PARP14: variants seen among roughly 807,000 people sequenced by gnomAD.
PARP14 encodes protein mono-ADP-ribosyltransferase PARP14.
A neutral mutation model predicts 154.2 loss-of-function variants in PARP14; 59 were observed. That is an observed-to-expected ratio of 0.38 (90% CI 0.31 to 0.48). PARP14 has a LOEUF of 0.48. Among genes scored for constraint, PARP14 ranks in the 20% least tolerant of loss-of-function variants. PARP14 has a pLI of 0.98. For missense variants in PARP14, 1,734 were observed against 2,131.6 expected (o/e 0.81, Z 3.67); for synonymous variants, 720 against 780.5 (o/e 0.92, Z 1.29).
intron 9 of PARP14, among the ~76,000 whole-genome samples, chr3:122,711,264 T>A (rs1257608051): frequency 1.3e-5 from 2 of 152,200 alleles, no homozygotes; most frequent in African/African-American, 4.8e-5. Flanking sequence ...ATGTCCCCTC[T>A]ATGCCTATTT....
Position 122,692,458 on chromosome 3 carries a change from C to A in PARP14, c.513C>A (p.Asn171Lys). Residue 171 changes from asparagine to lysine, a missense_variant, in exon 4 of 17, where the codon AAC becomes AAA. Physicochemically the swap from Asn to Lys is moderately conservative, Grantham distance 94 (BLOSUM62 0). Transcript: ENST00000474629. ...TAATGCTAATCTTGTTAGTGGAGAACATAAGTGGCCTGTCTAATGATGACT... is the reference window on the plus strand; with the variant it reads ...TAATGCTAATCTTGTTAGTGGAGAAAATAAGTGGCCTGTCTAATGATGACT... ...TDIMLILLVE[N>K]ISGLSNDDFQ... The A allele has an allele frequency of 6.2e-7, 1 of 1,613,312 alleles. No individual in the cohort carries two copies. The highest frequency in any genetic ancestry group is 8.5e-7 in the Non-Finnish European group (1 of 1,179,402).
At position 122,699,777 on chromosome 3, in the gene PARP14, C is replaced by A. The variant is rs201075521; in HGVS notation, c.1223C>A (p.Thr408Lys). ...YKVNPIKVDP[T>K]MWDTIKNDVK... The stretch of plus-strand genomic sequence containing the variant: ...GTCAACCCAATTAAAGTGGATCCAA[C>A]AATGTGGGACACCATAAAAAATGAT... The change falls in exon 6 of 17, where the codon ACA (threonine) becomes AAA (lysine). Residue 408 changes from threonine (T) to lysine (K), a missense_variant. This residue lies in a region of PARP14 where 1,646 missense variants were observed against 1,976.0 expected (regional missense o/e 0.83). Transcript: ENST00000474629. 1,031 of 1,613,800 alleles carry A rather than the reference C, an allele frequency of 6.4e-4. No individual in the cohort carries two copies. The highest frequency in any genetic ancestry group is 8.4e-4 in the Non-Finnish European group (993 of 1,179,860).
chr3:122,700,694 G>A lies in PARP14; in HGVS notation c.2140G>A (p.Gly714Ser), dbSNP rs769288112. 6.2e-6 allele frequency: 10 copies of A among 1,611,274 alleles called. No homozygotes were observed. The highest frequency in any genetic ancestry group is 6.8e-6 in the Non-Finnish European group (8 of 1,178,678). ...VSFNPENKQKGILLTGSKTEV... is the reference protein window; with the variant it reads ...VSFNPENKQKSILLTGSKTEV... Reference sequence around the variant, plus strand: ...TTTCAATCCTGAGAACAAACAAAAAGGCATTTTACTAACTGGCTCAAAGAC... The same window carrying A: ...TTTCAATCCTGAGAACAAACAAAAAAGCATTTTACTAACTGGCTCAAAGAC... Residue 714 changes from glycine (G) to serine (S), a missense_variant, in exon 6 of 17, where the codon GGC (glycine) becomes AGC (serine). Around this residue, in one of 2 missense-constraint regions of PARP14, gnomAD observed 1,646 missense variants for 1,976.0 expected, o/e 0.83. Transcript: ENST00000474629.
chr3:122,699,238 A>G (rs1054818507), intron 5 of PARP14, among the ~76,000 whole-genome samples, 152 bp from the exon 6 acceptor site: 17 of 152,110 alleles, frequency 1.1e-4, no homozygotes, highest in African/African-American at 4.1e-4. Context: ...TCTTTGCCAC[A>G]TATCATCTTG....
At chr3:122,723,772 A>G (rs1222900092) in intron 15 of PARP14, among the ~76,000 whole-genome samples, 3 of 152,216 alleles carry the variant, frequency 2.0e-5, no homozygotes, top group East Asian at 3.8e-4. Flanking sequence ...TCGTCAGCAT[A>G]TGAGTATCCT....
At position 122,701,193 on chromosome 3, in the gene PARP14, C is replaced by A. The variant is rs369668390; in HGVS notation, c.2639C>A (p.Ala880Glu). 1.2e-5 allele frequency: 19 copies of A among 1,613,358 alleles called. No homozygotes were observed. The highest frequency in any genetic ancestry group is 2.7e-5 in the African/African-American group (2 of 74,890). Residue 880 changes from alanine (A) to glutamate (E), a missense_variant, in exon 6 of 17, where the codon GCA becomes GAA. Coordinates refer to ENST00000474629, the MANE Select transcript of PARP14 (RefSeq NM_017554.3). The surrounding 1 kb of genome is among the most constrained non-coding windows in gnomAD (Gnocchi z 4.0). ...CTGCCCTACCACCACGTGATCCATG[C>A]AGTGGGGCCCCGCTGGAGCGGATAT... Reference protein sequence around the residue: ...GKLPYHHVIHAVGPRWSGYEA... With the variant: ...GKLPYHHVIHEVGPRWSGYEA...
Position 122,685,199 on chromosome 3 carries a change from C to G in PARP14, c.202C>G (p.Leu68Val). ...FYPEDVRQKV[L>V]ERKNHELVWQ... Reference sequence around the variant, plus strand: ...GGACATTTCAGTTCGGCAGAAGGTTCTGGAGAGAAAAAATCATGAGTTGGT... The same window carrying G: ...GGACATTTCAGTTCGGCAGAAGGTTGTGGAGAGAAAAAATCATGAGTTGGT... The change falls in exon 2 of 17, where the codon CTG becomes GTG. Residue 68 changes from leucine (L) to valine (V), a missense_variant. Transcript: ENST00000474629. 4.3e-6 allele frequency: 7 copies of G among 1,613,820 alleles called. No homozygotes were observed. In the South Asian group the frequency reaches 6.6e-5, roughly 15 times the overall value.
chr3:122,691,395 C>T (rs1938534470), intron 3 of PARP14, among the ~76,000 whole-genome samples: 1 of 152,220 alleles, frequency 6.6e-6, no homozygotes, highest in African/African-American at 2.4e-5. Flanking sequence ...CTCATTTTTA[C>T]AGTCAACAGT....
At chr3:122,697,120 T>G (rs1240975372) in intron 5 of PARP14, among the ~76,000 whole-genome samples, 1 of 151,976 alleles carries the variant, frequency 6.6e-6, no homozygotes. Context: ...ACCCAGCTAA[T>G]ATATTGTATT....
At chr3:122,688,173 G>C (rs17270426) in intron 3 of PARP14, among the ~76,000 whole-genome samples, 9,096 of 151,986 alleles carry the variant, frequency 0.06, 318 homozygotes, top group Middle Eastern at 0.088. Context: ...TTTGTCGTTG[G>C]GATCTCCTAA....
At chr3:122,702,976 A>G (rs1350811101) in intron 6 of PARP14, among the ~76,000 whole-genome samples, 1 of 141,602 alleles carries the variant, frequency 7.1e-6, no homozygotes, top group East Asian at 2.1e-4. Flanking sequence ...GGGTGGACAG[A>G]GCAAGACCCT....
In PARP14 at chr3:122,704,857, A is replaced by G. The variant is rs913325025; in HGVS notation, c.3540+109A>G. The G allele has an allele frequency of 1.2e-5, 8 of 645,898 alleles. No individual in the cohort carries two copies. In the African/African-American group the frequency reaches 1.5e-4, roughly 12 times the overall value. The allele number at this position is 645,898 out of a possible 1,614,324, so 40.0% of individuals were successfully genotyped here. A position where few individuals can be genotyped will look rare whatever the true frequency, so the allele number is the denominator to read the frequency against. ...TTTTCATTCATTTCCCCATTCAGGAAAGTAAGAAGGTAGTTTATACTTGTA... is the reference window on the plus strand; with the variant it reads ...TTTTCATTCATTTCCCCATTCAGGAGAGTAAGAAGGTAGTTTATACTTGTA... On this transcript the variant is annotated intron_variant, in intron 8 of 16. Transcript: ENST00000474629.
intron 15 of PARP14, chr3:122,721,120 A>C (rs957399715): frequency 6.4e-5 from 21 of 328,544 alleles, no homozygotes; most frequent in African/African-American, 4.5e-4. Context: ...CCCTAATTCT[A>C]GCTTTATTCA....
At chr3:122,702,866 T>C (rs77788140) in intron 6 of PARP14, among the ~76,000 whole-genome samples, 1,710 of 152,148 alleles carry the variant, frequency 0.011, 20 homozygotes, top group Non-Finnish European at 0.02. Flanking sequence ...GGCTCATACC[T>C]GTAGTCCTTA....
At chr3:122,720,102 C>A (rs1933125356) in intron 14 of PARP14, among the ~76,000 whole-genome samples, 153 bp from the exon 15 acceptor site, 1 of 152,200 alleles carries the variant, frequency 6.6e-6, no homozygotes, top group Non-Finnish European at 1.5e-5. Flanking sequence ...TGTAGGTTGT[C>A]TGTTGTTCAT....
In PARP14 at chr3:122,692,316, T is replaced by G; in HGVS notation, c.371T>G (p.Leu124Trp). The change falls in exon 4 of 17, where the codon TTG becomes TGG. Residue 124 changes from leucine (L) to tryptophan (W), a missense_variant. Transcript: ENST00000474629. Reference sequence around the variant, plus strand: ...CTAAAATCAGATGTGTCAGAAGAATTGGATACAAAACTCCCTCTTGATGGT... The same window carrying G: ...CTAAAATCAGATGTGTCAGAAGAATGGGATACAAAACTCCCTCTTGATGGT... The part of the protein sequence containing the change: ...DVKEPDVSEE[L>W]DTKLPLDGGL... The G allele has an allele frequency of 6.2e-7, 1 of 1,611,548 alleles. No homozygotes were observed. Among genetic ancestry groups the G allele is most frequent in the Non-Finnish European group, 8.5e-7 (1 of 1,177,886 alleles).
rs188157828 is a variant in PARP14, at chr3:122,721,205, A to G, written c.4941+817A>G. 6.1e-5 allele frequency: 16 copies of G among 263,504 alleles called. No homozygotes were observed. In the East Asian group the frequency reaches 2.2e-3, roughly 35 times the overall value. 16.3% of individuals were successfully genotyped at this position (263,504 alleles called of 1,614,324 possible). On this transcript the variant is annotated intron_variant, in intron 15 of 16. Transcript: ENST00000474629. ...ATATTTACCCTTCTTGGATTCAACT[A>G]TTAGTTCAATGTCAATAGCTCCCAA...
rs1421101551 is a variant in PARP14 at position 122,728,275 on chromosome 3, T to G, written c.5117-33T>G. On this transcript the variant is annotated intron_variant, in intron 16 of 16. Coordinates refer to ENST00000474629, the MANE Select transcript of PARP14 (RefSeq NM_017554.3). The stretch of plus-strand genomic sequence containing the variant: ...CAACATATCAAATTTTACATTAACT[T>G]GAAATGCTTAAAAATGGTTTTTCTT... 3.8e-6 allele frequency: 6 copies of G among 1,581,242 alleles called. No individual in the cohort carries two copies. The East Asian group carries it at 1.3e-4, about 36-fold the overall frequency.
At chr3:122,727,685 G>T (rs1020800852) in intron 15 of PARP14, 127 bp from the exon 16 acceptor site, 1 of 519,532 alleles carries the variant, frequency 1.9e-6, no homozygotes, top group South Asian at 4.1e-5. Flanking sequence ...GCAGAAAGCT[G>T]CCGTCTGGCA....
Sources: allele counts gnomAD v4.1 joint callset (sites outside exome capture counted in the v4.1 genomes callset), GRCh38; gene constraint gnomAD v4.1.1; regional missense constraint gnomAD v4.1.1; non-coding constraint Gnocchi (gnomAD v3.1); transcripts MANE v1.5; gene names NCBI Gene and HGNC (gene_info 2026-07-23, HGNC 2026-07-21).